The following CCDC91 variants were observed in gnomAD, a reference collection of about 807,000 sequenced individuals.
The protein encoded by CCDC91 is coiled-coil domain-containing protein 91.
CCDC91 carries 48 observed loss-of-function variants against 63.2 expected under a neutral mutation model. That is an observed-to-expected ratio of 0.76 (90% CI 0.60 to 0.97). The LOEUF (loss-of-function observed/expected upper bound fraction) is 0.97, where lower values mean the gene tolerates loss of function less well. Among genes scored for constraint, CCDC91 ranks in the 50% least tolerant of loss-of-function variants. The pLI is 0.00. For synonymous variants in CCDC91, 167 were observed against 165.8 expected, an observed-to-expected ratio of 1.01 and a Z score of -0.06; for missense variants, 500 against 494.6, an observed-to-expected ratio of 1.01 and a Z score of -0.10.
intron 1 of CCDC91, chr12:28,255,833 GT>G (rs558950071): frequency 1.3e-5 from 2 of 151,906 alleles, no homozygotes; most frequent in African/African-American, 2.4e-5. Flanking sequence ...TGTTTTTACT[GT>G]TTTTTTCTTT....
In CCDC91 at chr12:28,481,796, A is replaced by G. The variant is rs1951463010; in HGVS notation, c.1102-2256A>G. ...AATCAAGTGAAATTTTGTACTGTAA[A>G]TGGTCTTTTGCCAGCTCAAAAACAA... On this transcript the variant is annotated intron_variant, in intron 11 of 12. Coordinates refer to ENST00000536442, the MANE Select transcript of CCDC91 (RefSeq NM_018318.5). Among the ~76,000 whole-genome samples the G allele has an allele frequency of 2.0e-5, 3 of 151,940 alleles. No homozygotes were observed. In the South Asian group the frequency reaches 6.2e-4, roughly 31 times the overall value.
chr12:28,419,581 T>G (rs1468771631), intron 8 of CCDC91, among the ~76,000 whole-genome samples: 1 of 152,150 alleles, frequency 6.6e-6, no homozygotes, highest in Non-Finnish European at 1.5e-5. Flanking sequence ...CAAAATTTAT[T>G]GACAGACGTT....
At chr12:28,514,691 C>T (rs761927497) in intron 12 of CCDC91, among the ~76,000 whole-genome samples, 26 of 151,902 alleles carry the variant, frequency 1.7e-4, no homozygotes, top group Non-Finnish European at 3.5e-4. Context: ...GGTCCAGTTT[C>T]AGTCTTCTCC....
At chr12:28,393,476 GTC>G (rs1422716536) in intron 8 of CCDC91, among the ~76,000 whole-genome samples, 1 of 150,750 alleles carries the variant, frequency 6.6e-6, no homozygotes, top group East Asian at 1.9e-4. Flanking sequence ...TTGTCTGTCT[GTC>G]TCTCCTATTT....
intron 6 of CCDC91, among the ~76,000 whole-genome samples, chr12:28,349,589 C>A (rs574104807): frequency 6.6e-5 from 10 of 152,188 alleles, no homozygotes; most frequent in Admixed American, 1.3e-4. Context: ...TATACTGAGT[C>A]TCAAAAATTA....
At chr12:28,407,577 T>C (rs1947030533) in intron 8 of CCDC91, among the ~76,000 whole-genome samples, 1 of 152,226 alleles carries the variant, frequency 6.6e-6, no homozygotes, top group Non-Finnish European at 1.5e-5. Context: ...TTTGGATATT[T>C]TAGGTTCTTT....
intron 12 of CCDC91, among the ~76,000 whole-genome samples, chr12:28,520,902 G>C (rs1940567749): frequency 6.6e-6 from 1 of 152,020 alleles, no homozygotes; most frequent in Non-Finnish European, 1.5e-5. Flanking sequence ...TATTATTTCT[G>C]AGTGCTCTGT....
intron 12 of CCDC91, among the ~76,000 whole-genome samples, chr12:28,545,045 T>C (rs1008515930): frequency 6.6e-6 from 1 of 151,990 alleles, no homozygotes; most frequent in Admixed American, 6.6e-5. Flanking sequence ...TTTTCAGATA[T>C]GTGTAAGAGC....
intron 12 of CCDC91, among the ~76,000 whole-genome samples, chr12:28,519,571 CT>C (rs1249413580): frequency 6.8e-6 from 1 of 148,128 alleles, no homozygotes; most frequent in Non-Finnish European, 1.5e-5. Context: ...TTTTTTTTTT[CT>C]TTTTTTTATT....
At chr12:28,308,270 C>G (rs1938955583) in intron 6 of CCDC91, among the ~76,000 whole-genome samples, 1 of 151,948 alleles carries the variant, frequency 6.6e-6, no homozygotes, top group Admixed American at 6.6e-5. Flanking sequence ...GTTGGCTGTA[C>G]CTTCAGAATA....
intron 6 of CCDC91, among the ~76,000 whole-genome samples, chr12:28,341,339 G>A (rs1942407501): frequency 6.6e-6 from 1 of 152,144 alleles, no homozygotes; most frequent in Admixed American, 6.5e-5. Flanking sequence ...AGGTCTGGGG[G>A]TGGAGCCCTA....
At chr12:28,439,225 A>T (rs1172210589) in intron 8 of CCDC91, among the ~76,000 whole-genome samples, 2 of 152,078 alleles carry the variant, frequency 1.3e-5, no homozygotes, top group African/African-American at 4.8e-5. Context: ...TATTGCTATT[A>T]TTTTGGGCTT....
chr12:28,286,820 A>G (rs1055238227), intron 3 of CCDC91, among the ~76,000 whole-genome samples: 11 of 152,076 alleles, frequency 7.2e-5, no homozygotes, highest in African/African-American at 2.4e-4. Context: ...ACTAATTTAT[A>G]CTCCCACCAA....
intron 6 of CCDC91, among the ~76,000 whole-genome samples, chr12:28,322,681 T>G (rs1565795208): frequency 6.6e-6 from 1 of 151,772 alleles, no homozygotes; most frequent in Non-Finnish European, 1.5e-5. Flanking sequence ...CTAGTAAAAA[T>G]TTCAAATATA....
chr12:28,496,938 A>G (rs965961850), intron 12 of CCDC91, among the ~76,000 whole-genome samples: 8 of 142,992 alleles, frequency 5.6e-5, no homozygotes, highest in African/African-American at 2.0e-4. Context: ...ATACATATAT[A>G]TATACATATA....
chr12:28,381,845 C>A (rs569911821), intron 7 of CCDC91, among the ~76,000 whole-genome samples: 1 of 152,202 alleles, frequency 6.6e-6, no homozygotes, highest in South Asian at 2.1e-4. Flanking sequence ...ACTTGGATGG[C>A]TTTGTCCCTT....
intron 8 of CCDC91, among the ~76,000 whole-genome samples, chr12:28,405,165 A>G (rs150330015): frequency 9.9e-5 from 15 of 151,974 alleles, no homozygotes; most frequent in South Asian, 2.1e-4. Flanking sequence ...GTCTTAGCCT[A>G]TTAGTTATAA....
chr12:28,339,447 A>G (rs933434492), intron 6 of CCDC91, among the ~76,000 whole-genome samples: 2 of 152,020 alleles, frequency 1.3e-5, no homozygotes, highest in African/African-American at 4.8e-5. Context: ...AGATGTGATC[A>G]CCTTCAGAGT....
intron 8 of CCDC91, among the ~76,000 whole-genome samples, chr12:28,401,495 G>A (rs1946621150): frequency 6.6e-6 from 1 of 152,084 alleles, no homozygotes; most frequent in Non-Finnish European, 1.5e-5. Flanking sequence ...ACCATATCAG[G>A]AGGCCTCAGG....
Sources: allele counts gnomAD v4.1 joint callset (sites outside exome capture counted in the v4.1 genomes callset), GRCh38; gene constraint gnomAD v4.1.1; transcripts MANE v1.5; gene names NCBI Gene and HGNC (gene_info 2026-07-23, HGNC 2026-07-21).